The following ANGPT2 variants were observed in gnomAD, a reference collection of about 807,000 sequenced individuals.
The protein encoded by ANGPT2 is angiopoietin 2.
A neutral mutation model predicts 62.9 loss-of-function variants in ANGPT2; 28 were observed. The observed-to-expected ratio is 0.44, with a 90% CI of 0.33 to 0.61. ANGPT2 has a LOEUF of 0.61. Among genes scored for constraint, ANGPT2 ranks in the 20% least tolerant of loss-of-function variants. The pLI is 0.03. For synonymous variants in ANGPT2, 284 were observed against 207.8 expected (o/e 1.37, Z -3.15); for missense variants, 727 against 594.9 (o/e 1.22, Z -2.31).
At chr8:6,517,159 A>C (rs144753746) in intron 5 of ANGPT2, among the ~76,000 whole-genome samples, 113 of 152,342 alleles carry the variant, frequency 7.4e-4, no homozygotes, top group African/African-American at 2.5e-3. Context: ...AGGATCAGCA[A>C]AGCAGAAGTC....
chr8:6,526,257 TAAAAAAAAAAA>T (rs35519559), intron 3 of ANGPT2, among the ~76,000 whole-genome samples: 16,679 of 77,812 alleles, frequency 0.21, 1,613 homozygotes, highest in African/African-American at 0.39. Context: ...TTGCCTCTAC[TAAAAAAAAAAA>T]AAAAAAAAAA....
chr8:6,555,908 C>T lies in ANGPT2; in HGVS notation c.288+6739G>A, dbSNP rs146298847. 3.2e-3 allele frequency among the ~76,000 whole-genome samples: 489 copies of T among 152,286 alleles called. 4 individuals are homozygous for T. Among genetic ancestry groups the T allele is most frequent in the African/African-American group, 0.011 (456 of 41,560 alleles). On this transcript the variant is annotated intron_variant, in intron 1 of 8. Transcript: ENST00000629816. ...TGCTTGTTTTTGCTTGTTTTCCTAG[C>T]AGCTTCAGCACCATCCTCACATAGA...
intron 3 of ANGPT2, among the ~76,000 whole-genome samples, chr8:6,524,938 C>G (rs1399283314): frequency 1.3e-5 from 2 of 152,216 alleles, no homozygotes; most frequent in South Asian, 4.1e-4. Flanking sequence ...CTTCCTGTGT[C>G]ACAAGGGCAG....
intron 1 of ANGPT2, among the ~76,000 whole-genome samples, chr8:6,546,995 T>C (rs1273395370): frequency 6.6e-6 from 1 of 152,190 alleles, no homozygotes; most frequent in Non-Finnish European, 1.5e-5. Flanking sequence ...GAACAGCATT[T>C]ATAACCACGG....
At chr8:6,505,144 AT>A (rs1813031894) in intron 8 of ANGPT2, among the ~76,000 whole-genome samples, 1 of 138,146 alleles carries the variant, frequency 7.2e-6, no homozygotes, top group African/African-American at 3.0e-5. Flanking sequence ...CCCGTAATGC[AT>A]TATTTCTTAA....
intron 6 of ANGPT2, 114 bp downstream of exon 6, chr8:6,514,563 A>C: frequency 1.1e-6 from 1 of 916,594 alleles, no homozygotes; most frequent in East Asian, 2.4e-5. Context: ...CAATTTTAAA[A>C]ACCATGTCAA....
At chr8:6,527,314 A>G (rs1484588584) in intron 3 of ANGPT2, among the ~76,000 whole-genome samples, 1 of 152,178 alleles carries the variant, frequency 6.6e-6, no homozygotes, top group African/African-American at 2.4e-5. Context: ...TTGGAGGATT[A>G]CTCTAAGAGG....
chr8:6,502,322 T>C lies in ANGPT2; in HGVS notation c.*779A>G, dbSNP rs1419550654. ...CCCCTAATAAGTTATATTTAATTAC[T>C]AAAAATACCTTCATATTTAACAATC... On this transcript the variant is annotated 3_prime_UTR_variant, in exon 9 of 9. Transcript: ENST00000629816. 1 of 152,182 alleles carries C rather than the reference T, an allele frequency of 6.6e-6. No individual in the cohort carries two copies. Among genetic ancestry groups the C allele is most frequent in the Non-Finnish European group, 1.5e-5 (1 of 68,022 alleles). The allele number at this position is 152,182 out of a possible 1,614,324, so 9.4% of individuals were successfully genotyped here.
At chr8:6,553,289 A>G (rs975795206) in intron 1 of ANGPT2, among the ~76,000 whole-genome samples, 4 of 152,160 alleles carry the variant, frequency 2.6e-5, no homozygotes, top group African/African-American at 9.7e-5. Context: ...TTAAAAAATC[A>G]TTTACTACAT....
chr8:6,535,559 G>A (rs1820329774), intron 1 of ANGPT2, among the ~76,000 whole-genome samples: 1 of 152,142 alleles, frequency 6.6e-6, no homozygotes, highest in Non-Finnish European at 1.5e-5. Flanking sequence ...TACACATGAT[G>A]TGTGTATATA....
At chr8:6,505,963 AC>A (rs1396194988) in intron 8 of ANGPT2, among the ~76,000 whole-genome samples, 2 of 2,328 alleles carry the variant, frequency 8.6e-4, no homozygotes, top group African/African-American at 1.1e-3. Context: ...ATATATAAAA[AC>A]ATACATATTC....
At chr8:6,536,304 G>A (rs1004074452) in intron 1 of ANGPT2, among the ~76,000 whole-genome samples, 1 of 152,164 alleles carries the variant, frequency 6.6e-6, no homozygotes. Flanking sequence ...GATCCCAGGC[G>A]CCTCACATCA....
chr8:6,513,048 C>T (rs1049029217), intron 7 of ANGPT2, among the ~76,000 whole-genome samples: 10 of 152,214 alleles, frequency 6.6e-5, no homozygotes, highest in African/African-American at 1.2e-4. Flanking sequence ...ATTCATGTGA[C>T]ATATTATCAT....
At chr8:6,523,725 G>A (rs575689039) in intron 3 of ANGPT2, among the ~76,000 whole-genome samples, 169 of 152,170 alleles carry the variant, frequency 1.1e-3, no homozygotes, top group African/African-American at 3.8e-3. Context: ...GAGTAGTTAG[G>A]ATTACAGGTG....
intron 1 of ANGPT2, among the ~76,000 whole-genome samples, chr8:6,542,247 C>G (rs991260752): frequency 1.3e-5 from 2 of 151,956 alleles, no homozygotes; most frequent in Admixed American, 6.6e-5. Flanking sequence ...GTATATCTGT[C>G]TAGAGACATA....
chr8:6,560,513 G>A (rs1046376956), intron 1 of ANGPT2, among the ~76,000 whole-genome samples: 6 of 152,274 alleles, frequency 3.9e-5, no homozygotes, highest in Non-Finnish European at 7.4e-5. Flanking sequence ...GCCAGAAGCC[G>A]TAAACCGAGC....
intron 1 of ANGPT2, among the ~76,000 whole-genome samples, chr8:6,536,314 A>G (rs1169025942): frequency 6.6e-6 from 1 of 152,152 alleles, no homozygotes; most frequent in Non-Finnish European, 1.5e-5. Context: ...GCCTCACATC[A>G]GCACAGGTGG....
At chr8:6,548,532 C>T (rs531236447) in intron 1 of ANGPT2, among the ~76,000 whole-genome samples, 96 of 152,304 alleles carry the variant, frequency 6.3e-4, no homozygotes, top group Middle Eastern at 3.4e-3. Flanking sequence ...TCCCAGCAAG[C>T]ACTCAAGAGG....
intron 1 of ANGPT2, among the ~76,000 whole-genome samples, chr8:6,535,490 C>T (rs1357456597): frequency 6.6e-6 from 1 of 152,152 alleles, no homozygotes; most frequent in Non-Finnish European, 1.5e-5. Flanking sequence ...TATAGGTTCA[C>T]AGTGGGTGAG....
Sources: allele counts gnomAD v4.1 joint callset (sites outside exome capture counted in the v4.1 genomes callset), GRCh38; gene constraint gnomAD v4.1.1; transcripts MANE v1.5; gene names NCBI Gene and HGNC (gene_info 2026-07-23, HGNC 2026-07-21).